Variants in LRRC7 observed in about 807,000 individuals in gnomAD.
The protein encoded by LRRC7 is leucine rich repeat containing 7, also known as leucine-rich repeat-containing protein 7.
Under a neutral mutation model 175.7 loss-of-function variants are expected in LRRC7, and 23 were observed. The ratio of observed to expected loss-of-function variants is 0.13; its 90% confidence interval spans 0.09 to 0.19. LRRC7 has a LOEUF of 0.19. LRRC7 is among the 10% of genes least tolerant of loss of function. The pLI is 1.00. For missense variants in LRRC7, 1,354 were observed against 1,904.7 expected (o/e 0.71, Z 5.38); for synonymous variants, 685 against 680.9 (o/e 1.01, Z -0.09).
At chr1:69,570,641 T>C (rs1173928351) in intron 1 of LRRC7, among the ~76,000 whole-genome samples, 1 of 152,168 alleles carries the variant, frequency 6.6e-6, no homozygotes, top group Non-Finnish European at 1.5e-5. Context: ...GGAAGGACTC[T>C]AAGGGAACTA....
At chr1:69,723,618 T>TA (rs373748279) in intron 2 of LRRC7, among the ~76,000 whole-genome samples, 177 of 152,320 alleles carry the variant, frequency 1.2e-3, no homozygotes, top group Admixed American at 2.4e-3. Flanking sequence ...TTTTACAAGT[T>TA]ACAGTGGTAG....
chr1:70,039,940 G>A, intron 21 of LRRC7, 147 bp downstream of exon 21: 1 of 1,096,110 alleles, frequency 9.1e-7, no homozygotes, highest in Non-Finnish European at 1.3e-6. Flanking sequence ...GGGGAAAATG[G>A]ATCATAATAG....
At chr1:69,860,191 T>C (rs1281632149) in intron 7 of LRRC7, among the ~76,000 whole-genome samples, 1 of 151,896 alleles carries the variant, frequency 6.6e-6, no homozygotes, top group Non-Finnish European at 1.5e-5. Context: ...TCCTAAAGAG[T>C]CAGCTGGCAT....
At chr1:69,924,178 C>G (rs961679733) in intron 7 of LRRC7, among the ~76,000 whole-genome samples, 1 of 152,030 alleles carries the variant, frequency 6.6e-6, no homozygotes, top group Non-Finnish European at 1.5e-5. Flanking sequence ...GTTTTGGTAC[C>G]AGTACCATGC....
chr1:69,594,322 G>A (rs1000940625), intron 1 of LRRC7, among the ~76,000 whole-genome samples: 2 of 152,104 alleles, frequency 1.3e-5, no homozygotes, highest in African/African-American at 4.8e-5. Context: ...TGAACGTTAT[G>A]ACTTTTTATA....
Position 70,009,355 on chromosome 1 carries a change from CTT to C in LRRC7, c.1005-2427_1005-2426del, listed in dbSNP as rs11286744. Among the ~76,000 whole-genome samples the C allele has an allele frequency of 3.8e-3, 510 of 132,576 alleles. 2 individuals are homozygous for C. Among genetic ancestry groups the C allele is most frequent in the African/African-American group, 0.012 (432 of 35,572 alleles). 87.0% of individuals were successfully genotyped at this position (132,576 alleles called of 152,430 possible). On this transcript the variant is annotated intron_variant, in intron 11 of 26. Coordinates refer to ENST00000651989, the MANE Select transcript of LRRC7 (RefSeq NM_001370785.2). ...CTTTCTTTTTTTTCTTTCTTTCTTT[CTT>C]TTTTTTTTTTTTTTGAGAAACAAAC...
chr1:70,038,947 G>A lies in LRRC7; in HGVS notation c.3123G>A (p.Leu1041=), dbSNP rs778708252. 122 of 1,613,844 alleles carry A rather than the reference G, an allele frequency of 7.6e-5. 1 individual carries two copies. The highest frequency in any genetic ancestry group is 7.2e-4 in the South Asian group (66 of 91,064). The part of the protein sequence containing the change: ...SMSRSQSVPM[L]DDEMLTYGSS... Reference sequence around the variant, plus strand: ...CTCGAAGCCAGTCAGTCCCAATGCTGGATGATGAGATGCTCACCTACGGAA... The same window carrying A: ...CTCGAAGCCAGTCAGTCCCAATGCTAGATGATGAGATGCTCACCTACGGAA... The change falls in exon 21 of 27, where the codon CTG becomes CTA. Residue 1041 remains leucine (L), a synonymous_variant. Coordinates refer to ENST00000651989, the MANE Select transcript of LRRC7 (RefSeq NM_001370785.2).
chr1:69,741,498 T>C (rs181022767), intron 2 of LRRC7, among the ~76,000 whole-genome samples: 54 of 151,932 alleles, frequency 3.6e-4, no homozygotes, highest in Middle Eastern at 6.8e-3. Context: ...TAATAGAGAC[T>C]AGAAGTGGAA....
intron 2 of LRRC7, among the ~76,000 whole-genome samples, chr1:69,725,018 C>T (rs1666787459): frequency 6.6e-6 from 1 of 152,012 alleles, no homozygotes; most frequent in Non-Finnish European, 1.5e-5. Context: ...TAACTTTTGA[C>T]TCCACAAAAG....
In LRRC7 at chr1:70,127,321, C is replaced by T. The variant is rs999559207; in HGVS notation, c.*5434C>T. 2.0e-5 allele frequency among the ~76,000 whole-genome samples: 3 copies of T among 152,110 alleles called. No individual in the cohort carries two copies. The highest frequency in any genetic ancestry group is 7.2e-5 in the African/African-American group (3 of 41,414). ...GCAAGAGAATGGTTTGGAAACACTC[C>T]CTGGTAAGGATATAAATTGCACAGC... On this transcript the variant is annotated 3_prime_UTR_variant, in exon 27 of 27. Transcript: ENST00000651989.
intron 1 of LRRC7, among the ~76,000 whole-genome samples, chr1:69,654,445 A>G (rs1422331938): frequency 2.6e-5 from 4 of 151,978 alleles, no homozygotes; most frequent in African/African-American, 9.7e-5. Context: ...CTTTTTTTCC[A>G]TTTTAATTCC....
At chr1:69,632,704 G>C (rs2901340) in intron 1 of LRRC7, among the ~76,000 whole-genome samples, 40,641 of 151,884 alleles carry the variant, frequency 0.27, 5,776 homozygotes, top group East Asian at 0.36. Context: ...TCCCCAAGCA[G>C]ACACTAAGTG....
chr1:70,116,933 A>G (rs1197054454), intron 26 of LRRC7, among the ~76,000 whole-genome samples: 5 of 152,192 alleles, frequency 3.3e-5, no homozygotes, highest in Admixed American at 3.3e-4. Flanking sequence ...GGCAATCATC[A>G]TTGAACACCA....
chr1:69,900,676 T>C (rs1646110937), intron 7 of LRRC7, among the ~76,000 whole-genome samples: 1 of 152,192 alleles, frequency 6.6e-6, no homozygotes. Context: ...AAAATCCAAA[T>C]TCTGAAATGC....
intron 7 of LRRC7, chr1:69,919,605 T>G (rs1646821558): frequency 1.2e-6 from 1 of 827,358 alleles, no homozygotes; most frequent in Non-Finnish European, 2.1e-6. Context: ...GAGGAGGCCC[T>G]GGAGCTGATC....
At chr1:69,928,341 C>G (rs1051411655) in intron 7 of LRRC7, among the ~76,000 whole-genome samples, 1 of 152,216 alleles carries the variant, frequency 6.6e-6, no homozygotes, top group Admixed American at 6.5e-5. Flanking sequence ...TCAAAGCTGT[C>G]AGACAGGGAC....
At chr1:69,875,214 G>T (rs17097456) in intron 7 of LRRC7, among the ~76,000 whole-genome samples, 84,501 of 151,758 alleles carry the variant, frequency 0.56, 23,609 homozygotes, top group East Asian at 0.7. Context: ...ATGTTCTAAG[G>T]AAGAAACTGG....
rs1666261915 is a variant in LRRC7, at chr1:70,122,458, CATG to C, written c.*574_*576del. On this transcript the variant is annotated 3_prime_UTR_variant, in exon 27 of 27. Coordinates refer to ENST00000651989, the MANE Select transcript of LRRC7 (RefSeq NM_001370785.2). The stretch of plus-strand genomic sequence containing the variant: ...ATTGAATCTTTTTCAATAAAAATTA[CATG>C]ATAATGCCTTATGAAAGTAACTGTA... 6.6e-6 allele frequency: 1 copy of C among 152,004 alleles called. No individual in the cohort carries two copies. Among genetic ancestry groups the C allele is most frequent in the South Asian group, 2.1e-4 (1 of 4,826 alleles). 9.4% of individuals were successfully genotyped at this position (152,004 alleles called of 1,614,324 possible). A position where few individuals can be genotyped will look rare whatever the true frequency, so the allele number is the denominator to read the frequency against.
At chr1:69,905,540 A>G (rs1197441981) in intron 7 of LRRC7, among the ~76,000 whole-genome samples, 6 of 152,116 alleles carry the variant, frequency 3.9e-5, no homozygotes, top group African/African-American at 1.4e-4. Flanking sequence ...AGTTTGCTGA[A>G]AATGATGGTT....
Sources: gnomAD v4.1 joint callset for allele counts (sites outside exome capture counted in the v4.1 genomes callset) on GRCh38, gnomAD v4.1.1 for gene constraint, MANE v1.5 for transcripts, NCBI Gene and HGNC (gene_info 2026-07-23, HGNC 2026-07-21) for gene names.